ZNF385D: variants seen among roughly 807,000 people sequenced by gnomAD.
ZNF385D encodes zinc finger protein 659.
In ZNF385D, 15 loss-of-function variants were observed where a neutral mutation model predicts 35.8. The observed-to-expected ratio is 0.42, with a 90% confidence interval of 0.28 to 0.64. The LOEUF (loss-of-function observed/expected upper bound fraction) is 0.64. Among genes scored for constraint, ZNF385D ranks in the 30% least tolerant of loss-of-function variants. The pLI is 0.23. For missense variants in ZNF385D, 474 were observed against 494.6 expected (o/e 0.96, Z 0.39); for synonymous variants, 212 against 186.8 (o/e 1.13, Z -1.10).
intron 3 of ZNF385D, among the ~76,000 whole-genome samples, chr3:21,926,062 T>A (rs758833506): frequency 6.6e-6 from 1 of 152,150 alleles, no homozygotes; most frequent in African/African-American, 2.4e-5. Context: ...CTCTGAAAAC[T>A]TTTGGAAATT....
At chr3:21,579,262 T>C (rs984979905) in intron 2 of ZNF385D, 1 of 152,224 alleles carries the variant, frequency 6.6e-6, no homozygotes, top group Non-Finnish European at 1.5e-5. Context: ...GGAAATATAT[T>C]CCAGAAATCT....
At chr3:22,017,097 T>C (rs943752973) in intron 3 of ZNF385D, among the ~76,000 whole-genome samples, 2 of 152,110 alleles carry the variant, frequency 1.3e-5, no homozygotes, top group Non-Finnish European at 2.9e-5. Flanking sequence ...GACACCAGTG[T>C]ATCTGCCAGT....
intron 1 of ZNF385D, among the ~76,000 whole-genome samples, chr3:21,740,337 T>C (rs1343403794): frequency 6.6e-6 from 1 of 152,128 alleles, no homozygotes; most frequent in Non-Finnish European, 1.5e-5. Flanking sequence ...TGGGAGCTTG[T>C]TAGAAAGGCA....
chr3:21,968,486 C>T lies in ZNF385D; in HGVS notation c.325+200331G>A, dbSNP rs1472639306. Among the ~76,000 whole-genome samples, 3 of 151,628 alleles carry T rather than the reference C, an allele frequency of 2.0e-5. No homozygotes were observed. The East Asian group carries it at 5.8e-4, about 30-fold the overall frequency. On this transcript the variant is annotated intron_variant, in intron 3 of 5. Transcript: ENST00000494108. ...TCCCCCAGCCCCAGGCAGAAGAGCT[C>T]TCAAGTCCTAGAGCCTCATTCCTTC... is the stretch of plus-strand genomic sequence containing the variant.
intron 2 of ZNF385D, among the ~76,000 whole-genome samples, chr3:22,336,433 C>T (rs1371655825): frequency 6.6e-6 from 1 of 152,140 alleles, no homozygotes; most frequent in East Asian, 1.9e-4. Flanking sequence ...TCTAAATTAG[C>T]TTTTGCTTTC....
chr3:22,176,672 T>C (rs11921335), intron 2 of ZNF385D, among the ~76,000 whole-genome samples: 4,199 of 152,254 alleles, frequency 0.028, 192 homozygotes, highest in African/African-American at 0.095. Context: ...ATTCCTTTCT[T>C]CCTTTTAAGC....
chr3:22,301,640 G>A (rs545027006), intron 2 of ZNF385D, among the ~76,000 whole-genome samples: 1 of 151,912 alleles, frequency 6.6e-6, no homozygotes, highest in Non-Finnish European at 1.5e-5. Flanking sequence ...AAAAAGTCTA[G>A]GTACTTACCA....
chr3:21,763,776 C>A (rs1224544756), intron 3 of ZNF385D, among the ~76,000 whole-genome samples: 2 of 152,126 alleles, frequency 1.3e-5, no homozygotes, highest in African/African-American at 4.8e-5. Flanking sequence ...AACAGTAAGT[C>A]CATTTTAATC....
At chr3:21,896,042 T>G (rs559217570) in intron 3 of ZNF385D, among the ~76,000 whole-genome samples, 4 of 152,238 alleles carry the variant, frequency 2.6e-5, no homozygotes, top group African/African-American at 7.2e-5. Flanking sequence ...AAAGTAAAAT[T>G]TTTGACTTGT....
At chr3:22,016,104 T>C (rs769778402) in intron 3 of ZNF385D, among the ~76,000 whole-genome samples, 32 of 152,270 alleles carry the variant, frequency 2.1e-4, no homozygotes, top group South Asian at 1.4e-3. Flanking sequence ...AGAGTGCTCA[T>C]AGATTTTCAA....
At chr3:22,021,911 A>G (rs1697245185) in intron 3 of ZNF385D, among the ~76,000 whole-genome samples, 1 of 152,016 alleles carries the variant, frequency 6.6e-6, no homozygotes. Context: ...AGGTGATTCT[A>G]ATGTGCAGAC....
At chr3:21,536,037 C>A (rs1207147573) in intron 3 of ZNF385D, among the ~76,000 whole-genome samples, 1 of 151,914 alleles carries the variant, frequency 6.6e-6, no homozygotes, top group Non-Finnish European at 1.5e-5. Context: ...AATAAATATT[C>A]CCCTATATTT....
chr3:21,764,681 T>G (rs2125593991), intron 3 of ZNF385D, among the ~76,000 whole-genome samples: 1 of 152,280 alleles, frequency 6.6e-6, no homozygotes, highest in South Asian at 2.1e-4. Flanking sequence ...GAATGAAAAC[T>G]AAACAGTTGA....
chr3:21,442,935 CA>C (rs369556427), intron 4 of ZNF385D, among the ~76,000 whole-genome samples: 38 of 149,302 alleles, frequency 2.5e-4, no homozygotes, highest in African/African-American at 8.5e-4. Flanking sequence ...TGGAAGATAT[CA>C]CAACTTCTAT....
At chr3:21,931,338 G>A (rs1000756736) in intron 3 of ZNF385D, among the ~76,000 whole-genome samples, 1 of 152,124 alleles carries the variant, frequency 6.6e-6, no homozygotes, top group East Asian at 1.9e-4. Flanking sequence ...TGCACACATA[G>A]GTGGTGACAA....
chr3:22,168,729 G>C, intron 3 of ZNF385D: 1 of 793,142 alleles, frequency 1.3e-6, no homozygotes, highest in Non-Finnish European at 1.5e-6. Flanking sequence ...TAAAAAAATA[G>C]TTCATTCTTT....
At chr3:21,950,334 T>G (rs1447265604) in intron 3 of ZNF385D, among the ~76,000 whole-genome samples, 3 of 151,914 alleles carry the variant, frequency 2.0e-5, no homozygotes, top group African/African-American at 4.9e-5. Flanking sequence ...TTCATGTTTG[T>G]TGGTCACATA....
chr3:21,996,312 C>G (rs965859343), intron 3 of ZNF385D, among the ~76,000 whole-genome samples: 1 of 152,126 alleles, frequency 6.6e-6, no homozygotes, highest in African/African-American at 2.4e-5. Context: ...CTTCATTTAC[C>G]TTTTCCCTGC....
chr3:22,286,002 T>C (rs1321856991), intron 2 of ZNF385D, among the ~76,000 whole-genome samples: 1 of 152,138 alleles, frequency 6.6e-6, no homozygotes, highest in African/African-American at 2.4e-5. Flanking sequence ...GCATTTCTTA[T>C]TAAATTTATT....
Sources: gnomAD v4.1 joint callset for allele counts (sites outside exome capture counted in the v4.1 genomes callset) on GRCh38, gnomAD v4.1.1 for gene constraint, MANE v1.5 for transcripts, NCBI Gene and HGNC (gene_info 2026-07-23, HGNC 2026-07-21) for gene names.